The following RAB40B variants were observed in gnomAD, a reference collection of about 807,000 sequenced individuals.
RAB40B encodes RAB40B, member RAS oncogene family.
Under a neutral mutation model 24.0 loss-of-function variants are expected in RAB40B, and 21 were observed. That is an observed-to-expected ratio of 0.88 (90% CI 0.62 to 1.26). The LOEUF (loss-of-function observed/expected upper bound fraction) is 1.26. RAB40B is among the 50% of genes most tolerant of loss of function. The pLI, the probability that RAB40B is intolerant of heterozygous loss-of-function variation, is 0.00. For missense variants in RAB40B, 348 were observed against 390.5 expected (o/e 0.89, Z 0.92); for synonymous variants, 167 against 169.8 (o/e 0.98, Z 0.13).
Position 82,664,670 on chromosome 17 carries a change from G to A in RAB40B, c.143-114C>T, listed in dbSNP as rs921736927. 3 of 1,043,286 alleles carry A rather than the reference G, an allele frequency of 2.9e-6. No homozygotes were observed. The African/African-American group carries it at 4.8e-5, about 17-fold the overall frequency. The allele number at this position is 1,043,286 out of a possible 1,614,324, so 64.6% of individuals were successfully genotyped here. On this transcript the variant is annotated intron_variant, in intron 1 of 5. Coordinates refer to ENST00000571995, the MANE Select transcript of RAB40B (RefSeq NM_006822.3). ...ATCAGTGCAACTTCCAGGTTTACAA[G>A]GCAGGCGGATGGGACCCCCTCCCTG...
rs2046570965 is a variant in RAB40B at position 82,692,686 on chromosome 17, A to C, written c.142+5769T>G. 6.6e-6 allele frequency among the ~76,000 whole-genome samples: 1 copy of C among 152,140 alleles called. No individual in the cohort carries two copies. On this transcript the variant is annotated intron_variant, in intron 1 of 5. Coordinates refer to ENST00000571995, the MANE Select transcript of RAB40B (RefSeq NM_006822.3). This position sits in a 1 kb window ranked among gnomAD's most constrained non-coding sequence, Gnocchi z 4.0. ...GGCAGCCATTCATGTCAAAGGTAAA[A>C]CGATGCTTGTAGAGAACATTTTTTT...
rs530800725 is a variant in RAB40B at position 82,663,942 on chromosome 17, G to C, written c.203+554C>G. ...CCACCTCCTTCAGAGAAGCCCTGGT[G>C]CAGCTGGGGCTGGGGGTGCTCCCCG... On this transcript the variant is annotated intron_variant, in intron 2 of 5. Coordinates refer to ENST00000571995, the MANE Select transcript of RAB40B (RefSeq NM_006822.3). The surrounding 1 kb of genome is among the most constrained non-coding windows in gnomAD (Gnocchi z 6.2). 6.6e-6 allele frequency among the ~76,000 whole-genome samples: 1 copy of C among 152,232 alleles called. No homozygotes were observed. The highest frequency in any genetic ancestry group is 1.5e-5 in the Non-Finnish European group (1 of 68,016).
chr17:82,686,547 G>A (rs1473923826), intron 1 of RAB40B, among the ~76,000 whole-genome samples: 5 of 152,176 alleles, frequency 3.3e-5, no homozygotes, highest in East Asian at 3.8e-4. Flanking sequence ...GCTGTGTGAC[G>A]ACAGACAGCA....
rs545473472 is a variant in RAB40B at position 82,673,754 on chromosome 17, T to C, written c.143-9198A>G. ...CACCTTGTGGGCCTTGCTGTAGGGA[T>C]CTTCGTGGCCAGGCTGACCACTCCA... On this transcript the variant is annotated intron_variant, in intron 1 of 5. Coordinates refer to ENST00000571995, the MANE Select transcript of RAB40B (RefSeq NM_006822.3). 1.3e-5 allele frequency among the ~76,000 whole-genome samples: 2 copies of C among 152,264 alleles called. 1 individual carries two copies. Among genetic ancestry groups the C allele is most frequent in the Admixed American group, 1.3e-4 (2 of 15,298 alleles).
chr17:82,662,549 C>T (rs1370923254), intron 2 of RAB40B: 1 of 985,258 alleles, frequency 1.0e-6, no homozygotes. Flanking sequence ...TGGGGGCAGG[C>T]AGAAGACCCA....
chr17:82,696,743 C>T (rs2046613167), intron 1 of RAB40B: 1 of 138,776 alleles, frequency 7.2e-6, no homozygotes, highest in Non-Finnish European at 1.6e-5. Flanking sequence ...TCCAGGCGCT[C>T]AATCTCCAGC....
At chr17:82,696,148 G>A (rs903707538) in intron 1 of RAB40B, among the ~76,000 whole-genome samples, 4 of 152,180 alleles carry the variant, frequency 2.6e-5, no homozygotes, top group Non-Finnish European at 2.9e-5. Flanking sequence ...GATTACAGGT[G>A]TGAGCCACCG....
intron 1 of RAB40B, among the ~76,000 whole-genome samples, chr17:82,676,011 C>A: frequency 6.6e-6 from 1 of 152,126 alleles, no homozygotes; most frequent in East Asian, 1.9e-4. Flanking sequence ...GCTGGTAAAG[C>A]ACAGACGCTG....
In RAB40B at chr17:82,660,969, C is replaced by T. The variant is rs376936564; in HGVS notation, c.264+18G>A. 1.5e-4 allele frequency: 243 copies of T among 1,612,606 alleles called. No individual in the cohort carries two copies. The South Asian group carries it at 2.4e-3, about 16-fold the overall frequency. ...TCAAAGTTGGTTTGATCTCCCAGCT[C>T]GGGGGATGCTGTGTTACCTGTGCGC... is the stretch of plus-strand genomic sequence containing the variant. On this transcript the variant is annotated intron_variant, in intron 3 of 5. Transcript: ENST00000571995.
At chr17:82,688,329 T>C (rs1276989489) in intron 1 of RAB40B, among the ~76,000 whole-genome samples, 2 of 151,676 alleles carry the variant, frequency 1.3e-5, no homozygotes, top group African/African-American at 2.4e-5. Context: ...TAAAAATTGT[T>C]TTGGGCCGGG....
At chr17:82,693,529 G>A (rs1299071429) in intron 1 of RAB40B, among the ~76,000 whole-genome samples, 2 of 152,168 alleles carry the variant, frequency 1.3e-5, no homozygotes, top group African/African-American at 2.4e-5. Context: ...AGACATTTGC[G>A]TGCCTGATAC....
At chr17:82,669,716 T>C (rs2046308365) in intron 1 of RAB40B, among the ~76,000 whole-genome samples, 2 of 152,142 alleles carry the variant, frequency 1.3e-5, no homozygotes, top group African/African-American at 2.4e-5. Flanking sequence ...ATAGTTCTAC[T>C]AGCCCCAGCG....
At position 82,664,684 on chromosome 17, in the gene RAB40B, A is replaced by T. The variant is rs923050730; in HGVS notation, c.143-128T>A. The T allele has an allele frequency of 7.1e-5, 61 of 857,988 alleles. No homozygotes were observed. The African/African-American group carries it at 8.4e-4, about 12-fold the overall frequency. 53.1% of individuals were successfully genotyped at this position (857,988 alleles called of 1,614,324 possible). On this transcript the variant is annotated intron_variant, in intron 1 of 5. Transcript: ENST00000571995. ...CAGGTTTACAAGGCAGGCGGATGGG[A>T]CCCCCTCCCTGTGTCTGCCCAAGCT...
chr17:82,682,863 G>A (rs755264485), intron 1 of RAB40B, among the ~76,000 whole-genome samples: 1 of 152,150 alleles, frequency 6.6e-6, no homozygotes, highest in Non-Finnish European at 1.5e-5. Context: ...AAACGAACCC[G>A]GCCGGGCACG....
rs531750960 is a variant in RAB40B at position 82,692,651 on chromosome 17, C to T, written c.142+5804G>A. Among the ~76,000 whole-genome samples, 3 of 152,310 alleles carry T rather than the reference C, an allele frequency of 2.0e-5. No homozygotes were observed. Among genetic ancestry groups the T allele is most frequent in the Admixed American group, 2.0e-4 (3 of 15,310 alleles). On this transcript the variant is annotated intron_variant, in intron 1 of 5. Coordinates refer to ENST00000571995, the MANE Select transcript of RAB40B (RefSeq NM_006822.3). This position sits in a 1 kb window ranked among gnomAD's most constrained non-coding sequence, Gnocchi z 4.0. ...TCTCGATCCCTGCCTCAGGCCTCAC[C>T]CCAGCTGGAGGCAGCCATTCATGTC... is the stretch of plus-strand genomic sequence containing the variant.
chr17:82,695,272 C>G (rs187610474), intron 1 of RAB40B, among the ~76,000 whole-genome samples: 2 of 150,670 alleles, frequency 1.3e-5, no homozygotes, highest in East Asian at 3.9e-4. Context: ...GCTCACTTCA[C>G]CCTCCACCTC....
chr17:82,679,711 C>T (rs1270410962), intron 1 of RAB40B, among the ~76,000 whole-genome samples: 1 of 39,094 alleles, frequency 2.6e-5, no homozygotes, highest in Non-Finnish European at 5.5e-5. Flanking sequence ...TGCTGCCCCG[C>T]CCAGTCACTA....
In RAB40B at chr17:82,658,540, C is replaced by T. The variant is rs751700266; in HGVS notation, c.516G>A (p.Arg172=). The change falls in exon 5 of 6, where the codon AGG becomes AGA. Residue 172 remains arginine, a synonymous_variant. Coordinates refer to ENST00000571995, the MANE Select transcript of RAB40B (RefSeq NM_006822.3). ...NITESFTELA[R]IVLLRHGMDR... is the part of the protein sequence containing the mutation. ...CCATCCCATGCCGCAGCAGCACGATCCTGGCCAGCTCCGTGAACGACTCTG... is the reference window on the plus strand; with the variant it reads ...CCATCCCATGCCGCAGCAGCACGATTCTGGCCAGCTCCGTGAACGACTCTG... 1.2e-5 allele frequency: 19 copies of T among 1,613,486 alleles called. No homozygotes were observed. Among genetic ancestry groups the T allele is most frequent in the Non-Finnish European group, 1.6e-5 (19 of 1,179,982 alleles).
At position 82,664,736 on chromosome 17, in the gene RAB40B, G is replaced by A. The variant is rs1011123746; in HGVS notation, c.143-180C>T. 8.4e-6 allele frequency: 5 copies of A among 594,856 alleles called. No individual in the cohort carries two copies. In the East Asian group the frequency reaches 9.0e-5, roughly 11 times the overall value. The allele number at this position is 594,856 out of a possible 1,614,324, so 36.8% of individuals were successfully genotyped here. On this transcript the variant is annotated intron_variant, in intron 1 of 5. Transcript: ENST00000571995. ...ACAGGGGCCCTGCCTGCGCCCTCCC[G>A]CACCCGGGCCCCTCCTGTCCTCAGC...
Sources: gnomAD v4.1 joint callset for allele counts (sites outside exome capture counted in the v4.1 genomes callset) on GRCh38, gnomAD v4.1.1 for gene constraint, Gnocchi (gnomAD v3.1) non-coding constraint, MANE v1.5 for transcripts, NCBI Gene and HGNC (gene_info 2026-07-23, HGNC 2026-07-21) for gene names.